SOX6: variants seen among roughly 807,000 people sequenced by gnomAD.
SOX6 encodes the protein SRY-box transcription factor 6, also known as transcription factor SOX-6.
Under a neutral mutation model 97.8 loss-of-function variants are expected in SOX6, and 11 were observed. That is an observed-to-expected ratio of 0.11 (90% CI 0.07 to 0.19). The LOEUF is 0.19. Ranked by LOEUF, SOX6 falls within the 10% of genes least tolerant of loss-of-function variation. The pLI, the probability that SOX6 is intolerant of heterozygous loss-of-function variation, is 1.00. For missense variants in SOX6, 810 were observed against 1,039.5 expected (o/e 0.78, Z 3.04); for synonymous variants, 360 against 371.4 (o/e 0.97, Z 0.35).
At chr11:16,053,634 C>A (rs1847739706) in intron 10 of SOX6, among the ~76,000 whole-genome samples, 1 of 151,990 alleles carries the variant, frequency 6.6e-6, no homozygotes, top group South Asian at 2.1e-4. Flanking sequence ...AGTGGTAGAA[C>A]CAGTATTTTA....
intron 4 of SOX6, among the ~76,000 whole-genome samples, chr11:16,203,108 A>G (rs1412846327): frequency 6.6e-6 from 1 of 152,162 alleles, no homozygotes; most frequent in Non-Finnish European, 1.5e-5. Context: ...GTGAGCATCA[A>G]TTAGGAATTC....
intron 13 of SOX6, among the ~76,000 whole-genome samples, chr11:15,996,628 CAAACA>C (rs767509273): frequency 7.4e-4 from 113 of 151,760 alleles, no homozygotes; most frequent in South Asian, 1.5e-3. Context: ...AAAAAACAAA[CAAACA>C]AAAGTAAAAA....
intron 7 of SOX6, among the ~76,000 whole-genome samples, chr11:16,108,314 C>A (rs959146539): frequency 6.6e-6 from 1 of 152,198 alleles, no homozygotes; most frequent in Non-Finnish European, 1.5e-5. Context: ...TGCTTTCTAG[C>A]CGCAATCATG....
At chr11:16,568,267 C>G (rs936630921) in intron 4 of SOX6, among the ~76,000 whole-genome samples, 2 of 152,080 alleles carry the variant, frequency 1.3e-5, no homozygotes, top group Admixed American at 6.5e-5. Flanking sequence ...AAGGGATACT[C>G]GATCTGTAGT....
At chr11:16,537,751 T>C (rs1471025090) in intron 4 of SOX6, among the ~76,000 whole-genome samples, 1 of 151,832 alleles carries the variant, frequency 6.6e-6, no homozygotes, top group African/African-American at 2.4e-5. Flanking sequence ...ATTAATGAAA[T>C]AAAGCAAGAA....
Position 16,046,536 on chromosome 11 carries a change from A to G in SOX6, c.1601T>C (p.Leu534Pro). The part of the protein sequence containing the change: ...GKLSSINNMG[L>P]NSCRNEKERT... ...TACCTTTTCATTCCTGCAGCTGTTC[A>G]GCCCCATATTATTTATGGAGGACAG... is the stretch of plus-strand genomic sequence containing the variant. The change falls in exon 12 of 16, where the codon CTG becomes CCG. Residue 534 changes from leucine to proline, a missense_variant. Physicochemically the swap from Leu to Pro is moderately conservative, Grantham distance 98 (BLOSUM62 -3). Coordinates refer to ENST00000683767, the MANE Select transcript of SOX6 (RefSeq NM_001367873.1). The G allele has an allele frequency of 6.2e-7, 1 of 1,613,574 alleles. No individual in the cohort carries two copies. The highest frequency in any genetic ancestry group is 8.5e-7 in the Non-Finnish European group (1 of 1,179,726).
chr11:16,522,706 A>C (rs532875011), intron 4 of SOX6, among the ~76,000 whole-genome samples: 5 of 152,292 alleles, frequency 3.3e-5, no homozygotes, highest in African/African-American at 4.8e-5. Context: ...AAGAGTCAAG[A>C]CCCATCAGTG....
chr11:16,264,595 G>C (rs561212083), intron 3 of SOX6: 1 of 151,878 alleles, frequency 6.6e-6, no homozygotes, highest in East Asian at 1.9e-4. Context: ...CCAAGAAGAG[G>C]ACTACTGGAT....
chr11:16,028,885 A>C (rs1855280832), intron 12 of SOX6, among the ~76,000 whole-genome samples: 1 of 152,188 alleles, frequency 6.6e-6, no homozygotes, highest in Non-Finnish European at 1.5e-5. Context: ...CAAACTTGAA[A>C]TATTTACAAT....
At chr11:16,197,127 C>T (rs1457001062) in intron 4 of SOX6, among the ~76,000 whole-genome samples, 8 of 152,128 alleles carry the variant, frequency 5.3e-5, no homozygotes, top group Non-Finnish European at 1.0e-4. Flanking sequence ...AGCCACCACG[C>T]CCAACATCCT....
chr11:16,356,974 A>C (rs182455432), upstream of SOX6, among the ~76,000 whole-genome samples: 1 of 152,280 alleles, frequency 6.6e-6, no homozygotes, highest in East Asian at 1.9e-4. Context: ...AGTCTGAAAG[A>C]CAAGCCAAAA....
chr11:16,173,716 A>G (rs1851103481), intron 6 of SOX6, among the ~76,000 whole-genome samples: 1 of 151,362 alleles, frequency 6.6e-6, no homozygotes, highest in Admixed American at 6.6e-5. Flanking sequence ...TAAAACTAAA[A>G]AACTAGAGCA....
intron 1 of SOX6, among the ~76,000 whole-genome samples, chr11:16,342,655 T>C (rs1856670434): frequency 6.6e-6 from 1 of 151,960 alleles, no homozygotes; most frequent in South Asian, 2.1e-4. Context: ...TTAATTCCAA[T>C]TTAAACAGTA....
intron 4 of SOX6, among the ~76,000 whole-genome samples, chr11:16,515,754 CT>C (rs1180275710): frequency 1.5e-5 from 2 of 129,394 alleles, no homozygotes; most frequent in Non-Finnish European, 3.3e-5. Context: ...CCAGTTTCAC[CT>C]TTCTACATAT....
intron 3 of SOX6, among the ~76,000 whole-genome samples, chr11:16,672,910 A>C (rs1026959557): frequency 2.0e-5 from 3 of 152,258 alleles, no homozygotes; most frequent in Non-Finnish European, 2.9e-5. Context: ...TTAAACCAAC[A>C]AATATCAAAA....
chr11:16,691,359 G>A (rs1198275214), intron 3 of SOX6, among the ~76,000 whole-genome samples: 1 of 152,204 alleles, frequency 6.6e-6, no homozygotes, highest in African/African-American at 2.4e-5. Flanking sequence ...TCAGAATGAT[G>A]TTTCCATTAG....
Position 15,986,541 on chromosome 11 carries a change from C to T in SOX6, c.1967-121G>A, listed in dbSNP as rs1853846272. 3 of 863,166 alleles carry T rather than the reference C, an allele frequency of 3.5e-6. No homozygotes were observed. The South Asian group carries it at 4.2e-5, about 12-fold the overall frequency. The allele number at this position is 863,166 out of a possible 1,614,324, so 53.5% of individuals were successfully genotyped here. ...GTGCGCTGGGTGGCTCCAATTCCCA[C>T]ATACCACTGGCTGTCCCAACTATAC... On this transcript the variant is annotated intron_variant, in intron 14 of 15. Transcript: ENST00000683767.
chr11:16,450,147 T>C (rs575996102), intron 1 of SOX6, among the ~76,000 whole-genome samples: 1 of 152,298 alleles, frequency 6.6e-6, no homozygotes, highest in Admixed American at 6.5e-5. Context: ...GAGAAATCTT[T>C]TTGTGATGTA....
intron 4 of SOX6, among the ~76,000 whole-genome samples, chr11:16,535,360 CTTTCTTTTTTGAAGCA>C (rs1165090961): frequency 6.6e-6 from 1 of 152,122 alleles, no homozygotes; most frequent in African/African-American, 2.4e-5. Flanking sequence ...ATATTTCTTT[CTTTCTTTTTTGAAGCA>C]TGATTCAAAA....
Sources: allele counts gnomAD v4.1 joint callset (sites outside exome capture counted in the v4.1 genomes callset), GRCh38; gene constraint gnomAD v4.1.1; transcripts MANE v1.5; gene names NCBI Gene and HGNC (gene_info 2026-07-23, HGNC 2026-07-21).